The following SPMIP2 variants were observed in gnomAD, a reference collection of about 807,000 sequenced individuals.
SPMIP2 encodes sperm microtubule inner protein 2, also known as protein SPMIP2.
chr4:159,077,525 G>A, the SPMIP2 span, among the ~76,000 whole-genome samples: 5 of 152,110 alleles, frequency 3.3e-5, no homozygotes, highest in East Asian at 7.7e-4. Flanking sequence ...CTAACCCAAC[G>A]TTTGAGGTTA....
At chr4:159,048,300 G>T in the SPMIP2 span, among the ~76,000 whole-genome samples, 1 of 152,306 alleles carries the variant, frequency 6.6e-6, no homozygotes. Flanking sequence ...AGCCTCGTAG[G>T]CAGGGCGCGC....
At chr4:159,042,650 G>C in the SPMIP2 span, among the ~76,000 whole-genome samples, 1 of 152,030 alleles carries the variant, frequency 6.6e-6, no homozygotes, top group African/African-American at 2.4e-5. Context: ...GGACTCACTA[G>C]GTACTTTTTT....
the SPMIP2 span, among the ~76,000 whole-genome samples, chr4:159,033,828 A>C: frequency 2.0e-5 from 3 of 152,202 alleles, no homozygotes; most frequent in Admixed American, 2.0e-4. Flanking sequence ...AACATTGTAA[A>C]ATATGCTCAC....
chr4:158,996,650 C>T, the SPMIP2 span, among the ~76,000 whole-genome samples: 2 of 152,188 alleles, frequency 1.3e-5, no homozygotes, highest in African/African-American at 4.8e-5. Context: ...TCTTCGGAAT[C>T]ACAGGCTTTT....
At chr4:158,961,423 A>G in the SPMIP2 span, among the ~76,000 whole-genome samples, 3 of 152,262 alleles carry the variant, frequency 2.0e-5, no homozygotes, top group Admixed American at 1.3e-4. Flanking sequence ...AATTGAACAA[A>G]GGCAGGCACA....
At chr4:159,012,055 C>A in the SPMIP2 span, among the ~76,000 whole-genome samples, 1 of 137,552 alleles carries the variant, frequency 7.3e-6, no homozygotes, top group African/African-American at 2.7e-5. Context: ...GACTCTGTCT[C>A]AAAAAAAAAA....
chr4:159,068,625 C>T, the SPMIP2 span, among the ~76,000 whole-genome samples: 12 of 150,736 alleles, frequency 8.0e-5, no homozygotes, highest in African/African-American at 1.7e-4. Flanking sequence ...CAAACCTGCA[C>T]GTTGTGCACA....
chr4:158,904,652 A>AAAC, the SPMIP2 span: 1 of 952,492 alleles, frequency 1.0e-6, no homozygotes, highest in Middle Eastern at 2.2e-4. Context: ...GAGCAAACAG[A>AAAC]AACAGTCATT....
the SPMIP2 span, among the ~76,000 whole-genome samples, chr4:158,909,970 A>G: frequency 6.6e-6 from 1 of 152,092 alleles, no homozygotes; most frequent in East Asian, 1.9e-4. Context: ...TGAACCTGGG[A>G]GGCAGAGGTT....
At chr4:158,981,806 CAAAAAAAAAAAA>C in the SPMIP2 span, among the ~76,000 whole-genome samples, 7 of 77,298 alleles carry the variant, frequency 9.1e-5, no homozygotes, top group Non-Finnish European at 1.2e-4. Flanking sequence ...AACTAATGGG[CAAAAAAAAAAAA>C]AAAAAAAAAA....
At chr4:158,905,982 A>C in the SPMIP2 span, 9 of 152,356 alleles carry the variant, frequency 5.9e-5, no homozygotes, top group Middle Eastern at 3.4e-3. Context: ...ATTAGGGACT[A>C]GAATGACTTC....
At chr4:159,026,754 A>G in the SPMIP2 span, among the ~76,000 whole-genome samples, 1 of 152,034 alleles carries the variant, frequency 6.6e-6, no homozygotes, top group African/African-American at 2.4e-5. Context: ...TTAAGAAGTG[A>G]TATTAACATA....
At chr4:159,002,551 G>C in the SPMIP2 span, among the ~76,000 whole-genome samples, 138 of 152,176 alleles carry the variant, frequency 9.1e-4, 2 homozygotes, top group East Asian at 0.024. Context: ...AGATCACAAA[G>C]TTTTTCTCCT....
the SPMIP2 span, among the ~76,000 whole-genome samples, chr4:158,927,607 G>C: frequency 2.0e-5 from 3 of 152,222 alleles, no homozygotes; most frequent in Non-Finnish European, 4.4e-5. Flanking sequence ...GGCGGCACTT[G>C]AGGAGCCCTT....
At chr4:159,045,121 C>T in the SPMIP2 span, among the ~76,000 whole-genome samples, 255 of 151,704 alleles carry the variant, frequency 1.7e-3, 1 homozygote, top group Middle Eastern at 0.024. Context: ...GAAGTTATAG[C>T]TGAGCCCAGA....
chr4:158,986,296 T>C, the SPMIP2 span, among the ~76,000 whole-genome samples: 2 of 151,944 alleles, frequency 1.3e-5, no homozygotes, highest in African/African-American at 2.4e-5. Context: ...TTAAAGTTCA[T>C]ATGGAACCAA....
chr4:159,021,908 G>A, the SPMIP2 span, among the ~76,000 whole-genome samples: 15 of 152,192 alleles, frequency 9.9e-5, no homozygotes, highest in Admixed American at 2.0e-4. Flanking sequence ...TGGATCTTGC[G>A]TTCTAAGTGA....
the SPMIP2 span, among the ~76,000 whole-genome samples, chr4:159,033,682 A>G: frequency 6.6e-6 from 1 of 152,200 alleles, no homozygotes; most frequent in Non-Finnish European, 1.5e-5. Context: ...ACAGGAGTAA[A>G]AAAGAGGTAA....
chr4:159,017,775 T>G, the SPMIP2 span, among the ~76,000 whole-genome samples: 1 of 152,184 alleles, frequency 6.6e-6, no homozygotes, highest in Admixed American at 6.5e-5. Context: ...AGGAAAGTGA[T>G]TCAGATGCTG....
Sources: gnomAD v4.1 joint callset for allele counts (sites outside exome capture counted in the v4.1 genomes callset) on GRCh38, gnomAD v4.1.1 for gene constraint, MANE v1.5 for transcripts, NCBI Gene and HGNC (gene_info 2026-07-23, HGNC 2026-07-21) for gene names.